The following CNTRL variants were observed in gnomAD, a reference collection of about 807,000 sequenced individuals.
CNTRL encodes the protein 110 kDa centrosomal protein.
In CNTRL, 233 loss-of-function variants were observed where a neutral mutation model predicts 303.7. The observed-to-expected ratio is 0.77, with a 90% CI of 0.69 to 0.86. CNTRL has a LOEUF of 0.86. CNTRL is among the 40% of genes least tolerant of loss of function. The pLI is 0.00. For missense variants in CNTRL, 2,524 were observed against 2,650.6 expected, an observed-to-expected ratio of 0.95 and a Z score of 1.05; for synonymous variants, 900 against 922.2, an observed-to-expected ratio of 0.98 and a Z score of 0.44.
At position 121,167,978 on chromosome 9, in the gene CNTRL, A is replaced by G. The variant is rs905652616; in HGVS notation, c.5845-118A>G. 19 of 871,736 alleles carry G rather than the reference A, an allele frequency of 2.2e-5. No individual in the cohort carries two copies. The African/African-American group carries it at 3.2e-4, about 15-fold the overall frequency. The allele number at this position is 871,736 out of a possible 1,614,324, so 54.0% of individuals were successfully genotyped here. A position where few individuals can be genotyped will look rare whatever the true frequency, so the allele number is the denominator to read the frequency against. On this transcript the variant is annotated intron_variant, in intron 37 of 43. Coordinates refer to ENST00000373855, the MANE Select transcript of CNTRL (RefSeq NM_007018.6). ...CCCTCTTGATCACCTCTGTAATGGA[A>G]TTGTCCCTGTGGGCTGTCTTCTACT...
In CNTRL at chr9:121,150,501, C is replaced by T. The variant is rs765974540; in HGVS notation, c.3963+18C>T. 2 of 1,606,318 alleles carry T rather than the reference C, an allele frequency of 1.2e-6. No individual in the cohort carries two copies. Among genetic ancestry groups the T allele is most frequent in the South Asian group, 1.1e-5 (1 of 90,850 alleles). On this transcript the variant is annotated intron_variant, in intron 25 of 43. Coordinates refer to ENST00000373855, the MANE Select transcript of CNTRL (RefSeq NM_007018.6). ...ATAACTTAGTAAGTGGAAAGACATA[C>T]AACTCTCTTTCCACACTGCTTCCAT...
At chr9:121,095,059 G>A in intron 5 of CNTRL, 41 bp downstream of exon 5, 1 of 1,500,502 alleles carries the variant, frequency 6.7e-7, no homozygotes, top group Non-Finnish European at 9.0e-7. Context: ...ATTGCAGATA[G>A]CTTTGTTAGA....
chr9:121,168,189 A>C lies in CNTRL; in HGVS notation c.5938A>C (p.Lys1980Gln). 6.2e-7 allele frequency: 1 copy of C among 1,614,208 alleles called. No individual in the cohort carries two copies. The highest frequency in any genetic ancestry group is 1.1e-5 in the South Asian group (1 of 91,088). ...GAAGGAGCAACAGCACCAGCTGGAA[A>C]AGGAATTAACAGACCAGAAAAGCAA... ...TLKEQQHQLE[K>Q]ELTDQKSKLD... The change falls in exon 38 of 44, where the codon AAG (lysine) becomes CAG (glutamine). Residue 1980 changes from lysine (K) to glutamine (Q), a missense_variant. Physicochemically the swap from Lys to Gln is moderately conservative, Grantham distance 53. Transcript: ENST00000373855.
At chr9:121,161,798 G>A in intron 32 of CNTRL, 58 bp from the exon 33 acceptor site, 2 of 1,304,180 alleles carry the variant, frequency 1.5e-6, no homozygotes, top group East Asian at 4.7e-5. Flanking sequence ...GTTTCATTTT[G>A]TAAATGTTTT....
Position 121,162,238 on chromosome 9 carries a change from A to T in CNTRL, c.5390A>T (p.Asp1797Val). 3 of 1,614,136 alleles carry T rather than the reference A, an allele frequency of 1.9e-6. No individual in the cohort carries two copies. The highest frequency in any genetic ancestry group is 2.5e-6 in the Non-Finnish European group (3 of 1,180,018). ...KEKEDLQEKCDIWEKKLAQTK... is the reference protein window; with the variant it reads ...KEKEDLQEKCVIWEKKLAQTK... ...AAGGAAGATCTCCAAGAGAAATGTG[A>T]CATTTGGGAAAAAAAGTTGGCACAA... The change falls in exon 34 of 44, where the codon GAC becomes GTC. Residue 1797 changes from aspartate to valine, a missense_variant. Physicochemically the swap from Asp to Val is radical, Grantham distance 152 (BLOSUM62 -3). Transcript: ENST00000373855.
intron 14 of CNTRL, among the ~76,000 whole-genome samples, chr9:121,135,255 A>C (rs1278699654): frequency 1.3e-5 from 2 of 152,186 alleles, no homozygotes; most frequent in East Asian, 3.9e-4. Context: ...TCTTCTGATA[A>C]ATGAACATGC....
chr9:121,128,933 G>A, intron 14 of CNTRL, among the ~76,000 whole-genome samples: 1 of 152,192 alleles, frequency 6.6e-6, no homozygotes, highest in African/African-American at 2.4e-5. Flanking sequence ...GTTTGTCAAA[G>A]ATCAGATGGT....
intron 26 of CNTRL, among the ~76,000 whole-genome samples, chr9:121,153,200 C>T (rs1056291445): frequency 6.6e-6 from 1 of 152,196 alleles, no homozygotes; most frequent in African/African-American, 2.4e-5. Flanking sequence ...CACTGGCCTT[C>T]CATGTCTTCT....
Position 121,148,876 on chromosome 9 carries a change from A to G in CNTRL, c.3649+15A>G. 1 of 1,606,288 alleles carries G rather than the reference A, an allele frequency of 6.2e-7. No homozygotes were observed. On this transcript the variant is annotated intron_variant, in intron 24 of 43. Coordinates refer to ENST00000373855, the MANE Select transcript of CNTRL (RefSeq NM_007018.6). ...TCCAAGTAGAGGTAAGTCAAATCACATAGGAAAGTTGCATTTCTCTTGCCC... is the reference window on the plus strand; with the variant it reads ...TCCAAGTAGAGGTAAGTCAAATCACGTAGGAAAGTTGCATTTCTCTTGCCC...
rs151166258 is a variant in CNTRL at position 121,131,700 on chromosome 9, G to A, written c.2026-4106G>A. Among the ~76,000 whole-genome samples, 889 of 152,254 alleles carry A rather than the reference G, an allele frequency of 5.8e-3. 10 individuals carry two copies. Among genetic ancestry groups the A allele is most frequent in the African/African-American group, 0.02 (825 of 41,544 alleles). ...ATGATGCTAGCTGGTTATTTTGTCC[G>A]TTAGTTGATGCAGTTTCTTCCTGGC... On this transcript the variant is annotated intron_variant, in intron 14 of 43. Coordinates refer to ENST00000373855, the MANE Select transcript of CNTRL (RefSeq NM_007018.6).
chr9:121,151,064 TTTA>T (rs1201567404), intron 25 of CNTRL, among the ~76,000 whole-genome samples: 1 of 152,234 alleles, frequency 6.6e-6, no homozygotes, highest in African/African-American at 2.4e-5. Context: ...GTAGGATTTA[TTTA>T]TTATTTATTT....
intron 14 of CNTRL, among the ~76,000 whole-genome samples, chr9:121,132,440 G>A (rs1035622427): frequency 6.6e-6 from 1 of 152,108 alleles, no homozygotes; most frequent in Non-Finnish European, 1.5e-5. Flanking sequence ...TGAAGCTTGT[G>A]CATGTGTTAC....
rs1384554257 is a variant in CNTRL, at chr9:121,090,314, C to T, written c.257C>T (p.Ala86Val). The T allele has an allele frequency of 1.9e-6, 3 of 1,611,246 alleles. No individual in the cohort carries two copies. Among genetic ancestry groups the T allele is most frequent in the Non-Finnish European group, 8.5e-7 (1 of 1,178,296 alleles). The change falls in exon 4 of 44, where the codon GCC becomes GTC. Residue 86 changes from alanine to valine, a missense_variant. By Grantham distance (64) the Ala-to-Val change is moderately conservative. Coordinates refer to ENST00000373855, the MANE Select transcript of CNTRL (RefSeq NM_007018.6). ...SHAGVRYITE[A>V]LIKKLTKQDN... ...GCAGGAGTTAGATATATTACAGAGGCCCTCATTAAAAAACTTACTAAACAG... is the reference window on the plus strand; with the variant it reads ...GCAGGAGTTAGATATATTACAGAGGTCCTCATTAAAAAACTTACTAAACAG...
intron 13 of CNTRL, 104 bp from the exon 14 acceptor site, chr9:121,125,612 G>T: frequency 7.0e-6 from 7 of 994,692 alleles, no homozygotes; most frequent in Non-Finnish European, 1.1e-5. Context: ...TGATAGGAAA[G>T]AATTGAAAGC....
intron 6 of CNTRL, among the ~76,000 whole-genome samples, chr9:121,096,770 T>C (rs2048910712): frequency 6.6e-6 from 1 of 152,164 alleles, no homozygotes; most frequent in Non-Finnish European, 1.5e-5. Context: ...AACCTAGGGT[T>C]GACCTCTTAG....
Position 121,145,318 on chromosome 9 carries a change from T to C in CNTRL, c.3243T>C (p.Asn1081=). 1 of 1,614,032 alleles carries C rather than the reference T, an allele frequency of 6.2e-7. No homozygotes were observed. Among genetic ancestry groups the C allele is most frequent in the Admixed American group, 1.7e-5 (1 of 60,024 alleles). ...AGGTCCTAGAAATTGAGAAACTGAA[T>C]GAGACAATGGAACGACAAAGGACAG... ...NSQVLEIEKL[N]ETMERQRTEI... Residue 1081 remains asparagine, a synonymous_variant, in exon 22 of 44, where the codon AAT becomes AAC. Coordinates refer to ENST00000373855, the MANE Select transcript of CNTRL (RefSeq NM_007018.6).
At chr9:121,090,919 A>G (rs1441216069) in intron 4 of CNTRL, among the ~76,000 whole-genome samples, 1 of 152,230 alleles carries the variant, frequency 6.6e-6, no homozygotes, top group Non-Finnish European at 1.5e-5. Context: ...AAGCCTCACA[A>G]TCGTGGTGGA....
At chr9:121,146,449 T>G (rs1215850241) in intron 23 of CNTRL, among the ~76,000 whole-genome samples, 193 bp downstream of exon 23, 1 of 152,176 alleles carries the variant, frequency 6.6e-6, no homozygotes, top group Non-Finnish European at 1.5e-5. Context: ...AGTTGACTGT[T>G]CATACTCGGG....
chr9:121,141,376 A>T lies in CNTRL; in HGVS notation c.2484-5A>T, dbSNP rs1350061967. 1 of 1,607,192 alleles carries T rather than the reference A, an allele frequency of 6.2e-7. No homozygotes were observed. The highest frequency in any genetic ancestry group is 8.5e-7 in the Non-Finnish European group (1 of 1,174,280). On this transcript the variant is annotated splice_polypyrimidine_tract_variant and splice_region_variant and intron_variant, in intron 17 of 43. Transcript: ENST00000373855. ...ATTTATACCATTTTTCCCCCTCCTTACTAGCATCCATAGTCCTTCAGATGT... is the reference window on the plus strand; with the variant it reads ...ATTTATACCATTTTTCCCCCTCCTTTCTAGCATCCATAGTCCTTCAGATGT...
Sources: gnomAD v4.1 joint callset for allele counts (sites outside exome capture counted in the v4.1 genomes callset) on GRCh38, gnomAD v4.1.1 for gene constraint, MANE v1.5 for transcripts, NCBI Gene and HGNC (gene_info 2026-07-23, HGNC 2026-07-21) for gene names.